The following PACS2 variants were observed in gnomAD, a reference collection of about 807,000 sequenced individuals.
The protein encoded by PACS2 is phosphofurin acidic cluster sorting protein 2, also known as PACS1-like protein.
PACS2 carries 36 observed loss-of-function variants against 113.0 expected under a neutral mutation model. The ratio of observed to expected loss-of-function variants is 0.32; its 90% CI spans 0.24 to 0.42. PACS2 has a LOEUF of 0.42. PACS2 is among the 10% of genes least tolerant of loss of function. The probability of loss-of-function intolerance (pLI) is 1.00; values close to 1 mark genes in which losing one functional copy is unlikely to be tolerated. For missense variants in PACS2, 1,015 were observed against 1,239.5 expected, an observed-to-expected ratio of 0.82 and a Z score of 2.72; for synonymous variants, 589 against 536.1, an observed-to-expected ratio of 1.10 and a Z score of -1.36.
chr14:105,336,458 G>T (rs587662421), intron 1 of PACS2: 38 of 152,540 alleles, frequency 2.5e-4, no homozygotes, highest in Non-Finnish European at 2.2e-4. Context: ...TGGTGGCACC[G>T]TGGAGTGGCT....
rs1555404165 is a variant in PACS2, at chr14:105,352,372, T to A, written c.208-6T>A. ...TTGAGCTAGAACAGGTCTTGCTTAATCACAGGGCTCCAAACGAATCCTGCG... is the reference window on the plus strand; with the variant it reads ...TTGAGCTAGAACAGGTCTTGCTTAAACACAGGGCTCCAAACGAATCCTGCG... On this transcript the variant is annotated splice_polypyrimidine_tract_variant and splice_region_variant and intron_variant, in intron 2 of 24. Coordinates refer to ENST00000447393, the MANE Select transcript of PACS2 (RefSeq NM_001100913.3). 1 of 1,603,330 alleles carries A rather than the reference T, an allele frequency of 6.2e-7. No individual in the cohort carries two copies. Among genetic ancestry groups the A allele is most frequent in the Non-Finnish European group, 8.5e-7 (1 of 1,170,384 alleles).
chr14:105,307,112 A>T (rs974060629), intron 1 of PACS2, among the ~76,000 whole-genome samples: 1 of 150,462 alleles, frequency 6.6e-6, no homozygotes, highest in Admixed American at 6.6e-5. Flanking sequence ...TGGTATGATC[A>T]TAGCTCACTG....
At position 105,340,346 on chromosome 14, in the gene PACS2, G is replaced by A. The variant is rs2059677203; in HGVS notation, c.120-8147G>A. On this transcript the variant is annotated intron_variant, in intron 1 of 24. Transcript: ENST00000447393. The surrounding 1 kb of genome is among the most constrained non-coding windows in gnomAD (Gnocchi z 4.2). ...CTCCAAATGGATGGATAATCTCATT[G>A]TGAAAAAGAGGAAGGAACAAATGGG... 6.6e-6 allele frequency among the ~76,000 whole-genome samples: 1 copy of A among 152,202 alleles called. No individual in the cohort carries two copies. Among genetic ancestry groups the A allele is most frequent in the African/African-American group, 2.4e-5 (1 of 41,438 alleles).
rs1338705911 is a variant in PACS2 at position 105,356,558 on chromosome 14, C to T, written c.423+1381C>T. ...GGTGAACAGGTAGCTCAGGGATGCT[C>T]TCTGGGCTGTGAGAGCCTCCTGGGA... On this transcript the variant is annotated intron_variant, in intron 4 of 24. Transcript: ENST00000447393. The surrounding 1 kb of genome is among the most constrained non-coding windows in gnomAD (Gnocchi z 4.0). 1.3e-5 allele frequency among the ~76,000 whole-genome samples: 2 copies of T among 152,188 alleles called. No homozygotes were observed. The highest frequency in any genetic ancestry group is 4.8e-5 in the African/African-American group (2 of 41,436).
intron 1 of PACS2, among the ~76,000 whole-genome samples, chr14:105,304,540 T>C (rs893612081): frequency 2.0e-5 from 3 of 152,210 alleles, no homozygotes; most frequent in African/African-American, 7.2e-5. Flanking sequence ...GAGGCTCTAC[T>C]GGGCAATGGC....
At position 105,323,474 on chromosome 14, in the gene PACS2, GC is replaced by G. The variant is rs2058974277; in HGVS notation, c.119+8439del. ...AGACTCTCACGGCGGGACCCTGTCT[GC>G]CTTGCTCGGTGCTGCCCAGAGCCTG... On this transcript the variant is annotated intron_variant, in intron 1 of 24. Transcript: ENST00000447393. The surrounding 1 kb of genome is among the most constrained non-coding windows in gnomAD (Gnocchi z 4.1). Among the ~76,000 whole-genome samples the G allele has an allele frequency of 6.6e-6, 1 of 152,240 alleles. No individual in the cohort carries two copies. The highest frequency in any genetic ancestry group is 2.4e-5 in the African/African-American group (1 of 41,468).
intron 24 of PACS2, 171 bp from the exon 25 acceptor site, chr14:105,394,383 A>G: frequency 4.1e-6 from 4 of 985,200 alleles, no homozygotes; most frequent in Non-Finnish European, 4.8e-6. Flanking sequence ...AGGAGCCAGC[A>G]TGGCCCTGGA....
chr14:105,382,118 C>T (rs2081015932), intron 13 of PACS2, 60 bp downstream of exon 13: 1 of 1,495,234 alleles, frequency 6.7e-7, no homozygotes, highest in Non-Finnish European at 8.9e-7. Context: ...CTGGCACCAA[C>T]CAGAGCAGGG....
intron 19 of PACS2, among the ~76,000 whole-genome samples, chr14:105,386,293 C>A (rs919441378): frequency 2.6e-5 from 4 of 152,138 alleles, no homozygotes; most frequent in Non-Finnish European, 5.9e-5. Context: ...CGGTGGTCAG[C>A]GGCTGTGCCT....
intron 19 of PACS2, among the ~76,000 whole-genome samples, chr14:105,388,252 G>A (rs1555414045): frequency 6.6e-6 from 1 of 152,210 alleles, no homozygotes; most frequent in Admixed American, 6.5e-5. Flanking sequence ...GGGAGGGTGG[G>A]TCTTGCCAGC....
intron 8 of PACS2, chr14:105,371,866 C>G (rs587654704): frequency 2.6e-5 from 4 of 152,236 alleles, no homozygotes; most frequent in Admixed American, 6.5e-5. Flanking sequence ...CCAGTAGACT[C>G]GGTGTCTTGA....
At chr14:105,384,513 C>A (rs937086290) in intron 17 of PACS2, 50 bp downstream of exon 17, 2 of 1,184,324 alleles carry the variant, frequency 1.7e-6, no homozygotes, top group Non-Finnish European at 1.2e-6. Context: ...AGGAAGGGGC[C>A]CCGGTTTCCC....
chr14:105,373,320 C>A (rs781878994), intron 8 of PACS2, among the ~76,000 whole-genome samples: 5 of 152,220 alleles, frequency 3.3e-5, no homozygotes, highest in African/African-American at 4.8e-5. Context: ...AAATGTACTA[C>A]AAAACCACAG....
rs1279388215 is a variant in PACS2, at chr14:105,368,503, G to A, written c.705G>A (p.Gln235=). 1 of 1,614,004 alleles carries A rather than the reference G, an allele frequency of 6.2e-7. No individual in the cohort carries two copies. Among genetic ancestry groups the A allele is most frequent in the Non-Finnish European group, 8.5e-7 (1 of 1,180,004 alleles). ...DDFDVGKPKK[Q]RRSIVRTTSM... ...TTGACGTGGGGAAGCCGAAGAAGCAGCGGAGATCGATTGTAAGAACGACGT... is the reference window on the plus strand; with the variant it reads ...TTGACGTGGGGAAGCCGAAGAAGCAACGGAGATCGATTGTAAGAACGACGT... Residue 235 remains glutamine (Q), a synonymous_variant, in exon 7 of 25, where the codon CAG becomes CAA. Coordinates refer to ENST00000447393, the MANE Select transcript of PACS2 (RefSeq NM_001100913.3).
chr14:105,342,990 T>G (rs1157590991), intron 1 of PACS2, among the ~76,000 whole-genome samples: 1 of 150,942 alleles, frequency 6.6e-6, no homozygotes, highest in Middle Eastern at 3.3e-3. Flanking sequence ...CCTCACACCT[T>G]TTTTCGTATG....
rs190644177 is a variant in PACS2 at position 105,320,914 on chromosome 14, A to G, written c.119+5877A>G. Among the ~76,000 whole-genome samples, 120 of 152,296 alleles carry G rather than the reference A, an allele frequency of 7.9e-4. 1 individual carries two copies. In the East Asian group the frequency reaches 0.015, roughly 20 times the overall value. ...ACACCTGTAATCCCAGCACTTTGGG[A>G]GGCTGAGGTGGGTGGATTACCGGAG... On this transcript the variant is annotated intron_variant, in intron 1 of 24. Transcript: ENST00000447393.
In PACS2 at chr14:105,340,157, A is replaced by G. The variant is rs1595619556; in HGVS notation, c.120-8336A>G. Among the ~76,000 whole-genome samples, 2 of 152,368 alleles carry G rather than the reference A, an allele frequency of 1.3e-5. No homozygotes were observed. The highest frequency in any genetic ancestry group is 6.5e-5 in the Admixed American group (1 of 15,310). On this transcript the variant is annotated intron_variant, in intron 1 of 24. Transcript: ENST00000447393. The surrounding 1 kb of genome is among the most constrained non-coding windows in gnomAD (Gnocchi z 4.2). ...AAAACAATATGGAATTGGCAGAAGT[A>G]TAAACATTGACTAATGGAATGTACC... is the stretch of plus-strand genomic sequence containing the variant.
chr14:105,333,807 G>T (rs587601184), intron 1 of PACS2, among the ~76,000 whole-genome samples: 2 of 152,232 alleles, frequency 1.3e-5, no homozygotes, highest in Non-Finnish European at 2.9e-5. Flanking sequence ...CCATGGCAGG[G>T]CTGCCCAGGA....
rs587760189 is a variant in PACS2 at position 105,329,316 on chromosome 14, C to T, written c.119+14279C>T. Among the ~76,000 whole-genome samples the T allele has an allele frequency of 6.6e-6, 1 of 152,290 alleles. No homozygotes were observed. Among genetic ancestry groups the T allele is most frequent in the Non-Finnish European group, 1.5e-5 (1 of 68,018 alleles). ...CCGTCTTCTCCCGGCTTCCTTGGGTCCTGTGTGCCCAACTTGGCACTTCAA... is the reference window on the plus strand; with the variant it reads ...CCGTCTTCTCCCGGCTTCCTTGGGTTCTGTGTGCCCAACTTGGCACTTCAA... On this transcript the variant is annotated intron_variant, in intron 1 of 24. Coordinates refer to ENST00000447393, the MANE Select transcript of PACS2 (RefSeq NM_001100913.3). The surrounding 1 kb of genome is among the most constrained non-coding windows in gnomAD (Gnocchi z 6.4).
Sources: gnomAD v4.1 joint callset for allele counts (sites outside exome capture counted in the v4.1 genomes callset) on GRCh38, gnomAD v4.1.1 for gene constraint, Gnocchi (gnomAD v3.1) non-coding constraint, MANE v1.5 for transcripts, NCBI Gene and HGNC (gene_info 2026-07-23, HGNC 2026-07-21) for gene names.